The following SEPTIN3 variants were observed in gnomAD, a reference collection of about 807,000 sequenced individuals.
SEPTIN3 encodes the protein septin 3.
Under a neutral mutation model 45.1 loss-of-function variants are expected in SEPTIN3, and 15 were observed. That is an observed-to-expected ratio of 0.33 (90% CI 0.22 to 0.51). The LOEUF (loss-of-function observed/expected upper bound fraction) is 0.51. Ranked by LOEUF, SEPTIN3 falls within the 20% of genes least tolerant of loss-of-function variation. The probability of loss-of-function intolerance (pLI) is 0.97; values close to 1 mark genes in which losing one functional copy is unlikely to be tolerated. For missense variants in SEPTIN3, 289 were observed against 457.2 expected (o/e 0.63, Z 3.35); for synonymous variants, 148 against 164.8 (o/e 0.90, Z 0.78).
At chr22:41,989,316 T>A (rs1008503466) in intron 6 of SEPTIN3, among the ~76,000 whole-genome samples, 4 of 151,648 alleles carry the variant, frequency 2.6e-5, no homozygotes, top group African/African-American at 9.7e-5. Context: ...TGTCCTGAAG[T>A]GGTGGTTTGA....
intron 3 of SEPTIN3, among the ~76,000 whole-genome samples, chr22:41,985,135 G>A (rs1197880531): frequency 1.3e-5 from 2 of 152,200 alleles, no homozygotes; most frequent in African/African-American, 4.8e-5. Context: ...TGGGATTACA[G>A]GTGTGAGCCA....
At chr22:41,990,276 G>A (rs1043298187) in intron 7 of SEPTIN3, among the ~76,000 whole-genome samples, 9 of 151,250 alleles carry the variant, frequency 6.0e-5, no homozygotes, top group Non-Finnish European at 1.3e-4. Flanking sequence ...GGCTAGTCTT[G>A]ATCTCCTGAC....
At chr22:41,981,388 A>G in intron 2 of SEPTIN3, 1 of 439,698 alleles carries the variant, frequency 2.3e-6, no homozygotes, top group Non-Finnish European at 4.0e-6. Flanking sequence ...TGCATTTGAA[A>G]GTGCCCAGCA....
In SEPTIN3 at chr22:41,976,962, C is replaced by A; in HGVS notation, c.1504+3966C>A. ...GAGGAGAGCGCGAAGGGGCGAGGCCCGTTTGCAGGGGCCGCTCGGCCCGGG... is the reference window on the plus strand; with the variant it reads ...GAGGAGAGCGCGAAGGGGCGAGGCCAGTTTGCAGGGGCCGCTCGGCCCGGG... On this transcript the variant is annotated intron_variant, in intron 2 of 11. Transcript: ENST00000644076. This position sits in a 1 kb window ranked among gnomAD's most constrained non-coding sequence, Gnocchi z 5.8. 1 of 1,207,694 alleles carries A rather than the reference C, an allele frequency of 8.3e-7. No individual in the cohort carries two copies. The highest frequency in any genetic ancestry group is 1.1e-6 in the Non-Finnish European group (1 of 886,078). The allele number at this position is 1,207,694 out of a possible 1,614,324, so 74.8% of individuals were successfully genotyped here. A position where few individuals can be genotyped will look rare whatever the true frequency, so the allele number is the denominator to read the frequency against.
chr22:41,970,707 G>A (rs151282479), intron 1 of SEPTIN3, among the ~76,000 whole-genome samples: 1 of 152,152 alleles, frequency 6.6e-6, no homozygotes, highest in Non-Finnish European at 1.5e-5. Context: ...CCCAGCTCAG[G>A]TCTAGCCTCC....
intron 2 of SEPTIN3, 118 bp downstream of exon 2, chr22:41,973,114 G>A: frequency 2.5e-6 from 1 of 397,344 alleles, no homozygotes; most frequent in Non-Finnish European, 4.4e-6. Flanking sequence ...CTAAGGTCAG[G>A]GTTGAATGGG....
chr22:41,971,556 A>G lies in SEPTIN3; in HGVS notation c.64A>G (p.Thr22Ala), dbSNP rs1482037311. ...GTCGCATGGAGCTCCAGGCCCGGGA[A>G]CCTCCTTCTCCCATAGCCATGTGCT... ...MQSHGAPGPG[T>A]SFSHSHVLGR... Residue 22 changes from threonine (T) to alanine (A), a missense_variant, in exon 2 of 12, where the codon ACC becomes GCC. Thr to Ala is a moderately conservative substitution (Grantham distance 58). This residue lies in a region of SEPTIN3 where 200 missense variants were observed against 315.1 expected (regional missense o/e 0.63). Transcript: ENST00000644076. 1 of 398,824 alleles carries G rather than the reference A, an allele frequency of 2.5e-6. No homozygotes were observed. Among genetic ancestry groups the G allele is most frequent in the South Asian group, 1.3e-4 (1 of 7,842 alleles). 24.7% of individuals were successfully genotyped at this position (398,824 alleles called of 1,614,324 possible).
chr22:41,992,830 T>G, intron 9 of SEPTIN3, 67 bp downstream of exon 9: 1 of 1,094,178 alleles, frequency 9.1e-7, no homozygotes, highest in East Asian at 2.5e-5. Flanking sequence ...TTATTAAGCA[T>G]CTATAGGTCA....
At chr22:41,990,490 A>T (rs147597180) in intron 7 of SEPTIN3, among the ~76,000 whole-genome samples, 6 of 151,182 alleles carry the variant, frequency 4.0e-5, no homozygotes, top group East Asian at 4.0e-4. Flanking sequence ...TCATGCCTGT[A>T]ATCCCAGCAC....
chr22:41,972,498 A>G lies in SEPTIN3; in HGVS notation c.1006A>G (p.Met336Val), dbSNP rs769675617. 1 of 399,136 alleles carries G rather than the reference A, an allele frequency of 2.5e-6. No individual in the cohort carries two copies. The highest frequency in any genetic ancestry group is 4.4e-6 in the Non-Finnish European group (1 of 226,108). 24.7% of individuals were successfully genotyped at this position (399,136 alleles called of 1,614,324 possible). A position where few individuals can be genotyped will look rare whatever the true frequency, so the allele number is the denominator to read the frequency against. The change falls in exon 2 of 12, where the codon ATG (methionine) becomes GTG (valine). Residue 336 changes from methionine (M) to valine (V), a missense_variant. By Grantham distance (21) the Met-to-Val change is conservative. This residue lies in a region of SEPTIN3 where 200 missense variants were observed against 315.1 expected (regional missense o/e 0.63). Coordinates refer to ENST00000644076, the MANE Select transcript of SEPTIN3 (RefSeq NM_001363845.2). ...AGGCACAATCAAGCCGGGCACAGCC[A>G]TGAATCTGACTACAGTTGGGACAAC... Reference protein sequence around the residue: ...TAGTIKPGTAMNLTTVGTTKP... With the variant: ...TAGTIKPGTAVNLTTVGTTKP...
intron 1 of SEPTIN3, 98 bp from the exon 2 acceptor site, chr22:41,971,376 C>T (rs536580707): frequency 2.3e-4 from 90 of 398,024 alleles, no homozygotes; most frequent in African/African-American, 1.5e-3. Context: ...CCTTCAGACC[C>T]GGCATGCTCA....
rs575368782 is a variant in SEPTIN3 at position 41,997,124 on chromosome 22, A to G, written c.*157A>G. 1.4e-6 allele frequency: 2 copies of G among 1,383,976 alleles called. No individual in the cohort carries two copies. The highest frequency in any genetic ancestry group is 2.5e-5 in the East Asian group (1 of 39,970). The allele number at this position is 1,383,976 out of a possible 1,614,324, so 85.7% of individuals were successfully genotyped here. On this transcript the variant is annotated 3_prime_UTR_variant, in exon 12 of 12. Coordinates refer to ENST00000644076, the MANE Select transcript of SEPTIN3 (RefSeq NM_001363845.2). Reference sequence around the variant, plus strand: ...CCAGCTGCCTCTTTAGGCCAGTTGCATCCTCCATTTATCCAAACCACTCCT... The same window carrying G: ...CCAGCTGCCTCTTTAGGCCAGTTGCGTCCTCCATTTATCCAAACCACTCCT...
intron 1 of SEPTIN3, among the ~76,000 whole-genome samples, chr22:41,970,379 G>T (rs956636872): frequency 6.6e-6 from 1 of 152,126 alleles, no homozygotes; most frequent in African/African-American, 2.4e-5. Context: ...GTGCAATGCA[G>T]CCTCCTCCAG....
At chr22:41,985,460 T>A (rs1898192450) in intron 3 of SEPTIN3, among the ~76,000 whole-genome samples, 1 of 152,256 alleles carries the variant, frequency 6.6e-6, no homozygotes, top group Admixed American at 6.5e-5. Flanking sequence ...TATGTTGCTC[T>A]GCACATATTT....
At chr22:41,983,423 T>G (rs1214158944) in intron 3 of SEPTIN3, among the ~76,000 whole-genome samples, 1 of 152,188 alleles carries the variant, frequency 6.6e-6, no homozygotes, top group Non-Finnish European at 1.5e-5. Context: ...TGTCCACCAG[T>G]GACCAAATAA....
intron 2 of SEPTIN3, among the ~76,000 whole-genome samples, chr22:41,979,158 T>G (rs1167338935): frequency 6.6e-6 from 1 of 152,178 alleles, no homozygotes; most frequent in Non-Finnish European, 1.5e-5. Context: ...TACCAGGTCC[T>G]GGTCCTGTAG....
chr22:41,983,383 GCT>G (rs2078152675), intron 3 of SEPTIN3, among the ~76,000 whole-genome samples: 2 of 152,178 alleles, frequency 1.3e-5, no homozygotes. Flanking sequence ...AACCCTCCTA[GCT>G]CTCTGTCTCC....
intron 11 of SEPTIN3, chr22:41,996,309 G>GA (rs1196164685): frequency 1.7e-5 from 17 of 985,284 alleles, no homozygotes; most frequent in African/African-American, 3.5e-5. Flanking sequence ...CGGGGCCAGG[G>GA]AAACAGTTTA....
chr22:41,995,024 T>C (rs1191876959), intron 11 of SEPTIN3: 2 of 1,237,518 alleles, frequency 1.6e-6, no homozygotes, highest in Non-Finnish European at 2.0e-6. Context: ...CCTCCATGCC[T>C]GTCCATTATC....
Sources: gnomAD v4.1 joint callset for allele counts (sites outside exome capture counted in the v4.1 genomes callset) on GRCh38, gnomAD v4.1.1 for gene constraint, gnomAD v4.1.1 regional missense constraint, Gnocchi (gnomAD v3.1) non-coding constraint, MANE v1.5 for transcripts, NCBI Gene and HGNC (gene_info 2026-07-23, HGNC 2026-07-21) for gene names.